The following SPTBN4 variants were observed in gnomAD, a reference collection of about 807,000 sequenced individuals.
SPTBN4 encodes the protein spectrin beta chain, non-erythrocytic 4.
Under a neutral mutation model 277.8 loss-of-function variants are expected in SPTBN4, and 96 were observed. The ratio of observed to expected loss-of-function variants is 0.35; its 90% CI spans 0.29 to 0.41. The LOEUF is 0.41. SPTBN4 is among the 10% of genes least tolerant of loss of function. The pLI, the probability that SPTBN4 is intolerant of heterozygous loss-of-function variation, is 1.00. For synonymous variants in SPTBN4, 1,481 were observed against 1,580.3 expected, an observed-to-expected ratio of 0.94 and a Z score of 1.49; for missense variants, 3,006 against 3,595.7, an observed-to-expected ratio of 0.84 and a Z score of 4.19.
rs772066891 is a variant in SPTBN4, at chr19:40,560,423, G to A, written c.5915+20G>A. The A allele has an allele frequency of 4.3e-6, 7 of 1,613,544 alleles. No individual in the cohort carries two copies. The highest frequency in any genetic ancestry group is 1.1e-5 in the South Asian group (1 of 91,076). On this transcript the variant is annotated intron_variant, in intron 27 of 35. Coordinates refer to ENST00000598249, the MANE Select transcript of SPTBN4 (RefSeq NM_020971.3). This position sits in a 1 kb window ranked among gnomAD's most constrained non-coding sequence, Gnocchi z 5.2. ...GCCCAGGTGCCCCTCATCCCTCCTC[G>A]GGCTTCCTGCCTCCCCCTGGTGGCC...
At chr19:40,531,464 G>T (rs1382672362) in intron 18 of SPTBN4, among the ~76,000 whole-genome samples, 50 of 40,926 alleles carry the variant, frequency 1.2e-3, no homozygotes, top group Non-Finnish European at 1.5e-3. Flanking sequence ...TCCAGTGTTT[G>T]TTTTTTTTTT....
intron 16 of SPTBN4, 32 bp downstream of exon 16, chr19:40,520,183 G>A (rs1438278403): frequency 2.2e-6 from 3 of 1,362,364 alleles, no homozygotes; most frequent in Non-Finnish European, 2.8e-6. Context: ...TTCGGAGAGG[G>A]AGAGTCCGAG....
chr19:40,575,461 C>T lies in SPTBN4; in HGVS notation c.7587C>T (p.His2529=). ...LEAVASSVAE[H]AEIARWGQTL... ...CTGTAGCTTCCTCGGTGGCGGAACA[C>T]GCAGAGATCGCCCGCTGGGGCCAGA... Residue 2529 remains histidine, a synonymous_variant, in exon 36 of 36, where the codon CAC becomes CAT. Coordinates refer to ENST00000598249, the MANE Select transcript of SPTBN4 (RefSeq NM_020971.3). The T allele has an allele frequency of 1.2e-6, 2 of 1,613,230 alleles. No homozygotes were observed. Among genetic ancestry groups the T allele is most frequent in the South Asian group, 1.1e-5 (1 of 90,976 alleles).
intron 20 of SPTBN4, among the ~76,000 whole-genome samples, chr19:40,546,749 A>G (rs1238203168): frequency 1.3e-5 from 2 of 152,034 alleles, no homozygotes; most frequent in Non-Finnish European, 2.9e-5. Flanking sequence ...GGCTGAGGCA[A>G]GAGGATCCCT....
At chr19:40,538,378 G>A (rs1272433940) in intron 20 of SPTBN4, among the ~76,000 whole-genome samples, 2 of 149,564 alleles carry the variant, frequency 1.3e-5, no homozygotes, top group Admixed American at 6.7e-5. Context: ...GTGACAGAGT[G>A]AGACTCTGTC....
chr19:40,543,929 C>T (rs1488561261), intron 20 of SPTBN4, among the ~76,000 whole-genome samples: 2 of 152,130 alleles, frequency 1.3e-5, no homozygotes, highest in African/African-American at 2.4e-5. Flanking sequence ...ATGGTGAAGA[C>T]ATCAAAACCT....
chr19:40,572,469 A>C, intron 35 of SPTBN4, 89 bp downstream of exon 35: 1 of 1,494,980 alleles, frequency 6.7e-7, no homozygotes, highest in South Asian at 1.1e-5. Context: ...GGCTGTGAGA[A>C]GGGACACTCA....
chr19:40,512,039 G>A (rs562799995), intron 13 of SPTBN4, among the ~76,000 whole-genome samples: 4 of 152,064 alleles, frequency 2.6e-5, no homozygotes, highest in African/African-American at 9.7e-5. Flanking sequence ...CAGGAGAATC[G>A]CTTAAACCTG....
rs1274960950 is a variant in SPTBN4, at chr19:40,515,872, G to GCGCA, written c.2903+425_2903+426insGCAC. 7.3e-6 allele frequency among the ~76,000 whole-genome samples: 1 copy of GCGCA among 136,064 alleles called. No individual in the cohort carries two copies. The highest frequency in any genetic ancestry group is 2.8e-5 in the African/African-American group (1 of 35,490). 89.3% of individuals were successfully genotyped at this position (136,064 alleles called of 152,430 possible). A position where few individuals can be genotyped will look rare whatever the true frequency, so the allele number is the denominator to read the frequency against. On this transcript the variant is annotated intron_variant, in intron 15 of 35. Transcript: ENST00000598249. This position sits in a 1 kb window ranked among gnomAD's most constrained non-coding sequence, Gnocchi z 4.1. ...ACCCCGTCTCTCTCTCTACGTGCGC[G>GCGCA]CACACACACACACACACACACACAC...
In SPTBN4 at chr19:40,467,034, C is replaced by T. The variant is rs1320568528; in HGVS notation, c.-287C>T. 1.3e-5 allele frequency among the ~76,000 whole-genome samples: 2 copies of T among 151,436 alleles called. No individual in the cohort carries two copies. Among genetic ancestry groups the T allele is most frequent in the South Asian group, 4.1e-4 (2 of 4,834 alleles). On this transcript the variant is annotated 5_prime_UTR_variant, in exon 1 of 36. It adds an upstream start codon to the 5' untranslated region. Coordinates refer to ENST00000598249, the MANE Select transcript of SPTBN4 (RefSeq NM_020971.3). ...CTCGCGAGTGCAGCCGTGCACCCCACGCCGCGGCCGGGTGTGACTGCGCGT... is the reference window on the plus strand; with the variant it reads ...CTCGCGAGTGCAGCCGTGCACCCCATGCCGCGGCCGGGTGTGACTGCGCGT...
At chr19:40,528,673 GCT>G (rs970505328) in intron 17 of SPTBN4, among the ~76,000 whole-genome samples, 2 of 151,122 alleles carry the variant, frequency 1.3e-5, no homozygotes, top group South Asian at 2.1e-4. Context: ...TCTCTCTCTC[GCT>G]CTCTTTCTGG....
rs376629329 is a variant in SPTBN4 at position 40,491,744 on chromosome 19, C to T, written c.496-1219C>T. ...AAAAAAAAAAAAAAAAAAAAGTGACCGGGCTTGGTGGCTCATGCCTGTAAT... is the reference window on the plus strand; with the variant it reads ...AAAAAAAAAAAAAAAAAAAAGTGACTGGGCTTGGTGGCTCATGCCTGTAAT... On this transcript the variant is annotated intron_variant, in intron 4 of 35. Transcript: ENST00000598249. 1.4e-3 allele frequency among the ~76,000 whole-genome samples: 154 copies of T among 111,292 alleles called. 2 individuals carry two copies. Among genetic ancestry groups the T allele is most frequent in the African/African-American group, 7.1e-3 (139 of 19,696 alleles). The allele number at this position is 111,292 out of a possible 152,430, so 73.0% of individuals were successfully genotyped here. A position where few individuals can be genotyped will look rare whatever the true frequency, so the allele number is the denominator to read the frequency against.
intron 7 of SPTBN4, among the ~76,000 whole-genome samples, chr19:40,499,818 C>T (rs568694585): frequency 1.3e-5 from 2 of 152,230 alleles, no homozygotes; most frequent in South Asian, 4.1e-4. Context: ...AATCAGTCCT[C>T]TACCCTGCCT....
chr19:40,562,987 A>C (rs1328827439), intron 27 of SPTBN4, among the ~76,000 whole-genome samples: 1 of 152,178 alleles, frequency 6.6e-6, no homozygotes, highest in Non-Finnish European at 1.5e-5. Flanking sequence ...AGGCAAGAGG[A>C]TCACTTGAGG....
rs1370909707 is a variant in SPTBN4 at position 40,567,410 on chromosome 19, G to A, written c.6337-253G>A. ...AATGGGAGTCAGAAAGGCACGCAGA[G>A]CAATTGATTTACCCAATTTTTAAAA... On this transcript the variant is annotated intron_variant, in intron 30 of 35. Coordinates refer to ENST00000598249, the MANE Select transcript of SPTBN4 (RefSeq NM_020971.3). Among the ~76,000 whole-genome samples the A allele has an allele frequency of 2.0e-5, 3 of 152,252 alleles. No homozygotes were observed. In the East Asian group the frequency reaches 5.8e-4, roughly 29 times the overall value.
At chr19:40,570,909 A>T in intron 33 of SPTBN4, 181 bp downstream of exon 33, 1 of 437,670 alleles carries the variant, frequency 2.3e-6, no homozygotes. Flanking sequence ...ACCAATGAGC[A>T]GGAGGGGGTG....
rs1185542475 is a variant in SPTBN4 at position 40,554,356 on chromosome 19, C to T, written c.4884C>T (p.Phe1628=). 6.3e-7 allele frequency: 1 copy of T among 1,582,054 alleles called. No individual in the cohort carries two copies. Among genetic ancestry groups the T allele is most frequent in the South Asian group, 1.1e-5 (1 of 87,526 alleles). The change falls in exon 23 of 36, where the codon TTC becomes TTT. Residue 1628 remains phenylalanine (F), a synonymous_variant. Transcript: ENST00000598249. The surrounding 1 kb of genome is among the most constrained non-coding windows in gnomAD (Gnocchi z 5.7). ...CCTTCCAGGTGGAGCAGTACTACTT[C>T]GACGTGGCTGAGGTGGAGGCGTGGC... ...DAAFQVEQYY[F]DVAEVEAWLG...
At chr19:40,547,482 A>G (rs1046876116) in intron 20 of SPTBN4, among the ~76,000 whole-genome samples, 2 of 152,238 alleles carry the variant, frequency 1.3e-5, no homozygotes, top group South Asian at 4.1e-4. Context: ...TAGTGCCACA[A>G]TAAACATACG....
intron 2 of SPTBN4, among the ~76,000 whole-genome samples, chr19:40,479,821 A>G (rs1380805935): frequency 2.7e-5 from 4 of 150,820 alleles, no homozygotes; most frequent in Admixed American, 2.0e-4. Context: ...AGAATATACA[A>G]TGGGGTGTGG....
Sources: allele counts gnomAD v4.1 joint callset (sites outside exome capture counted in the v4.1 genomes callset), GRCh38; gene constraint gnomAD v4.1.1; non-coding constraint Gnocchi (gnomAD v3.1); transcripts MANE v1.5; gene names NCBI Gene and HGNC (gene_info 2026-07-23, HGNC 2026-07-21).